Variants in AFF4 observed in about 807,000 individuals in gnomAD.
The protein encoded by AFF4 is AF4/FMR2 family member 4.
Under a neutral mutation model 124.8 loss-of-function variants are expected in AFF4, and 13 were observed. The ratio of observed to expected loss-of-function variants is 0.10; its 90% CI spans 0.07 to 0.17. The LOEUF is 0.17. AFF4 is among the 10% of genes least tolerant of loss of function. AFF4 has a pLI of 1.00. For synonymous variants in AFF4, 477 were observed against 496.1 expected (o/e 0.96, Z 0.51); for missense variants, 1,092 against 1,403.8 (o/e 0.78, Z 3.55).
At chr5:132,928,200 C>T (rs190086414) in intron 4 of AFF4, among the ~76,000 whole-genome samples, 68 of 151,424 alleles carry the variant, frequency 4.5e-4, no homozygotes, top group African/African-American at 1.3e-3. Context: ...AATGGAGTCA[C>T]TAATGTTTAT....
chr5:132,957,626 CAGGAGGCTGGG>C (rs1259899142), intron 1 of AFF4, among the ~76,000 whole-genome samples: 1 of 151,962 alleles, frequency 6.6e-6, no homozygotes, highest in Non-Finnish European at 1.5e-5. Flanking sequence ...CCCAGCTACT[CAGGAGGCTGGG>C]GCAGGACTGC....
chr5:132,877,254 C>CT lies in AFF4; in HGVS notation c.*3804dup, dbSNP rs1759860284. 4.8e-6 allele frequency: 1 copy of CT among 209,810 alleles called. No homozygotes were observed. The highest frequency in any genetic ancestry group is 2.3e-5 in the African/African-American group (1 of 44,148). 13.0% of individuals were successfully genotyped at this position (209,810 alleles called of 1,614,324 possible). On this transcript the variant is annotated 3_prime_UTR_variant, in exon 21 of 21. Coordinates refer to ENST00000265343, the MANE Select transcript of AFF4 (RefSeq NM_014423.4). ...TGAGGCCATACTGTTCAATTAGCAA[C>CT]TGGAAAATTAAAATCTTTCCCACCC...
chr5:132,908,977 G>T (rs1034479246), intron 5 of AFF4, among the ~76,000 whole-genome samples: 2 of 150,648 alleles, frequency 1.3e-5, no homozygotes, highest in African/African-American at 4.9e-5. Flanking sequence ...CACTGTGTTG[G>T]CCACGCTGGT....
In AFF4 at chr5:132,934,752, T is replaced by C; in HGVS notation, c.313A>G (p.Ser105Gly). ...GGTCCTACTGGAGTCCATTTGCTAC[T>C]CTGATGAGAGCCTCCATGTCTCTGT... ...FEQRHGGSHQ[S>G]SKWTPVGPAP... The change falls in exon 3 of 21, where the codon AGT (serine) becomes GGT (glycine). Residue 105 changes from serine (S) to glycine (G), a missense_variant. Physicochemically the swap from Ser to Gly is moderately conservative, Grantham distance 56. This residue lies in a region of AFF4 where 188 missense variants were observed against 203.0 expected (regional missense o/e 0.93). Coordinates refer to ENST00000265343, the MANE Select transcript of AFF4 (RefSeq NM_014423.4). The C allele has an allele frequency of 2.5e-6, 4 of 1,614,140 alleles. No individual in the cohort carries two copies. Among genetic ancestry groups the C allele is most frequent in the South Asian group, 1.1e-5 (1 of 91,090 alleles).
chr5:132,883,612 A>T lies in AFF4; in HGVS notation c.3144-52T>A, dbSNP rs997633. On this transcript the variant is annotated intron_variant, in intron 19 of 20. Transcript: ENST00000265343. Reference sequence around the variant, plus strand: ...TCATATGGACATGGTAAGCATTATAAAATCAAGTACTACTAGCTCTTTCTA... The same window carrying T: ...TCATATGGACATGGTAAGCATTATATAATCAAGTACTACTAGCTCTTTCTA... The T allele has an allele frequency of 0.15, 232,946 of 1,514,952 alleles. 18,849 individuals carry two copies. Among genetic ancestry groups the T allele is most frequent in the South Asian group, 0.19 (16,825 of 87,002 alleles). 93.8% of individuals were successfully genotyped at this position (1,514,952 alleles called of 1,614,324 possible).
At chr5:132,959,093 A>C (rs921789361) in intron 1 of AFF4, among the ~76,000 whole-genome samples, 1 of 152,052 alleles carries the variant, frequency 6.6e-6, no homozygotes, top group Non-Finnish European at 1.5e-5. Context: ...AGTTACATAA[A>C]ATGCCTTCTG....
Position 132,875,465 on chromosome 5 carries a change from GCATCTTAATGA to G in AFF4, c.*5583_*5593del. On this transcript the variant is annotated 3_prime_UTR_variant, in exon 21 of 21. Coordinates refer to ENST00000265343, the MANE Select transcript of AFF4 (RefSeq NM_014423.4). The stretch of plus-strand genomic sequence containing the variant: ...CAACTATGGTTTGGCATTGTACAAA[GCATCTTAATGA>G]CACAGTAGAGTTAAAAAGATCTTTA... 5.4e-6 allele frequency: 1 copy of G among 183,816 alleles called. No individual in the cohort carries two copies. The highest frequency in any genetic ancestry group is 8.9e-5 in the East Asian group (1 of 11,288). The allele number at this position is 183,816 out of a possible 1,614,324, so 11.4% of individuals were successfully genotyped here.
rs1380863373 is a variant in AFF4, at chr5:132,877,781, T to C, written c.*3278A>G. The C allele has an allele frequency of 4.7e-6, 1 of 212,512 alleles. No individual in the cohort carries two copies. The highest frequency in any genetic ancestry group is 9.5e-6 in the Non-Finnish European group (1 of 104,816). The allele number at this position is 212,512 out of a possible 1,614,324, so 13.2% of individuals were successfully genotyped here. On this transcript the variant is annotated 3_prime_UTR_variant, in exon 21 of 21. Coordinates refer to ENST00000265343, the MANE Select transcript of AFF4 (RefSeq NM_014423.4). ...AAGAAATGTACCAACGTTTCTGTCA[T>C]TAAATACAAAATTATGCTGTCTGAT...
chr5:132,908,847 T>C (rs1270305130), intron 5 of AFF4, among the ~76,000 whole-genome samples: 2 of 149,888 alleles, frequency 1.3e-5, no homozygotes, highest in East Asian at 1.9e-4. Context: ...TTCGGCTCTC[T>C]GCCACCTCCA....
At position 132,892,355 on chromosome 5, in the gene AFF4, C is replaced by T. The variant is rs750323931; in HGVS notation, c.2446G>A (p.Ala816Thr). The change falls in exon 13 of 21, where the codon GCT becomes ACT. Residue 816 changes from alanine (A) to threonine (T), a missense_variant. This residue lies in a region of AFF4 where 293 missense variants were observed against 280.2 expected (regional missense o/e 1.05). Coordinates refer to ENST00000265343, the MANE Select transcript of AFF4 (RefSeq NM_014423.4). ...AKEKDLLPSP[A>T]GPVPSKDPKT... is the part of the protein sequence containing the mutation. ...GGATCTTTTGAAGGAACAGGCCCAGCGGGAGAAGGCAACAAATCCTTTTCT... is the reference window on the plus strand; with the variant it reads ...GGATCTTTTGAAGGAACAGGCCCAGTGGGAGAAGGCAACAAATCCTTTTCT... The T allele has an allele frequency of 3.7e-5, 60 of 1,613,890 alleles. No individual in the cohort carries two copies. The highest frequency in any genetic ancestry group is 2.2e-4 in the East Asian group (10 of 44,870).
chr5:132,881,296 T>C (rs1461406468), intron 20 of AFF4, 110 bp from the exon 21 acceptor site: 2 of 1,156,446 alleles, frequency 1.7e-6, no homozygotes, highest in South Asian at 1.6e-5. Flanking sequence ...AAATACCTCC[T>C]CCTACACTAA....
intron 5 of AFF4, among the ~76,000 whole-genome samples, chr5:132,914,644 A>C (rs1411301267): frequency 1.3e-5 from 2 of 152,050 alleles, no homozygotes; most frequent in African/African-American, 4.8e-5. Flanking sequence ...GAAAGCAGAA[A>C]AGTGAAAGAT....
At chr5:132,896,181 G>T in intron 11 of AFF4, 142 bp downstream of exon 11, 1 of 923,520 alleles carries the variant, frequency 1.1e-6, no homozygotes, top group South Asian at 1.8e-5. Flanking sequence ...TGTTCCACAT[G>T]TAGCCTCGCC....
In AFF4 at chr5:132,916,413, T is replaced by A. The variant is rs111828551; in HGVS notation, c.1050+10708A>T. Among the ~76,000 whole-genome samples, 4 of 148,278 alleles carry A rather than the reference T, an allele frequency of 2.7e-5. No homozygotes were observed. The East Asian group carries it at 8.0e-4, about 30-fold the overall frequency. The stretch of plus-strand genomic sequence containing the variant: ...CCCTGTTTCCATAAATTTTTTTTTT[T>A]AAAATCAAGAGTTGCTTAAGCACAG... On this transcript the variant is annotated intron_variant, in intron 5 of 20. Transcript: ENST00000265343.
intron 1 of AFF4, among the ~76,000 whole-genome samples, chr5:132,954,835 C>A (rs1409236698): frequency 2.0e-5 from 3 of 152,184 alleles, no homozygotes; most frequent in Non-Finnish European, 4.4e-5. Flanking sequence ...GCGTGAGCCA[C>A]CGCGCCCGGC....
At chr5:132,946,964 C>G (rs753514834) in intron 1 of AFF4, among the ~76,000 whole-genome samples, 3 of 151,064 alleles carry the variant, frequency 2.0e-5, no homozygotes, top group Non-Finnish European at 4.4e-5. Context: ...GGTGGAGGCA[C>G]GAGAATCGCT....
At position 132,896,618 on chromosome 5, in the gene AFF4, C is replaced by T. The variant is rs1301330244; in HGVS notation, c.2012G>A (p.Ser671Asn). Reference protein sequence around the residue: ...PSSQTPKYPESNRTPVKPSSV... With the variant: ...PSSQTPKYPENNRTPVKPSSV... Reference sequence around the variant, plus strand: ...GGAGGGTTTAACAGGAGTCCTATTGCTCTCGGGGTACTTAGGAGTTTGTGA... The same window carrying T: ...GGAGGGTTTAACAGGAGTCCTATTGTTCTCGGGGTACTTAGGAGTTTGTGA... Residue 671 changes from serine to asparagine, a missense_variant, in exon 11 of 21, where the codon AGC becomes AAC. Ser to Asn is a conservative substitution (Grantham distance 46). Coordinates refer to ENST00000265343, the MANE Select transcript of AFF4 (RefSeq NM_014423.4). 1.2e-6 allele frequency: 2 copies of T among 1,613,960 alleles called. No homozygotes were observed. The highest frequency in any genetic ancestry group is 2.2e-5 in the East Asian group (1 of 44,892).
At chr5:132,888,038 AG>A (rs1760160192) in intron 15 of AFF4, 56 bp from the exon 16 acceptor site, 1 of 1,607,518 alleles carries the variant, frequency 6.2e-7, no homozygotes, top group Non-Finnish European at 8.5e-7. Context: ...TACAAACATC[AG>A]AAGATTACTT....
At chr5:132,899,788 A>G (rs1760503773) in intron 7 of AFF4, 147 bp from the exon 8 acceptor site, 1 of 590,702 alleles carries the variant, frequency 1.7e-6, no homozygotes, top group Non-Finnish European at 2.9e-6. Flanking sequence ...GTCTTATTCT[A>G]TCTGGTTTGG....
Sources: allele counts gnomAD v4.1 joint callset (sites outside exome capture counted in the v4.1 genomes callset), GRCh38; gene constraint gnomAD v4.1.1; regional missense constraint gnomAD v4.1.1; transcripts MANE v1.5; gene names NCBI Gene and HGNC (gene_info 2026-07-23, HGNC 2026-07-21).